The following CDC25B variants were observed in gnomAD, a reference collection of about 807,000 sequenced individuals.
CDC25B encodes M-phase inducer phosphatase 2.
CDC25B carries 33 observed loss-of-function variants against 69.8 expected under a neutral mutation model. The ratio of observed to expected loss-of-function variants is 0.47; its 90% CI spans 0.36 to 0.63. CDC25B has a LOEUF of 0.63. Ranked by LOEUF, CDC25B falls within the 30% of genes least tolerant of loss-of-function variation. CDC25B has a pLI of 0.00. For synonymous variants in CDC25B, 341 were observed against 314.6 expected (o/e 1.08, Z -0.89); for missense variants, 727 against 809.1 (o/e 0.90, Z 1.23).
rs371947700 is a variant in CDC25B at position 3,804,917 on chromosome 20, G to A, written c.1699G>A (p.Glu567Lys). 15 of 1,613,744 alleles carry A rather than the reference G, an allele frequency of 9.3e-6. No homozygotes were observed. The highest frequency in any genetic ancestry group is 2.7e-5 in the African/African-American group (2 of 74,940). ...FRLKTRSWAG[E>K]RSRRELCSRL... The stretch of plus-strand genomic sequence containing the variant: ...CCTCAAGACTCGCAGCTGGGCTGGG[G>A]AGCGGAGCCGGCGGGAGCTCTGTAG... The change falls in exon 16 of 16, where the codon GAG (glutamate) becomes AAG (lysine). Residue 567 changes from glutamate to lysine, a missense_variant. Physicochemically the swap from Glu to Lys is moderately conservative, Grantham distance 56. Coordinates refer to ENST00000245960, the MANE Select transcript of CDC25B (RefSeq NM_021873.4).
At position 3,805,188 on chromosome 20, in the gene CDC25B, G is replaced by C; in HGVS notation, c.*227G>C. On this transcript the variant is annotated 3_prime_UTR_variant, in exon 16 of 16. Coordinates refer to ENST00000245960, the MANE Select transcript of CDC25B (RefSeq NM_021873.4). Reference sequence around the variant, plus strand: ...TGGAAGAGCCCAGTCTGTTGAGTTAGTTAAGTTGGGTTAATACCAGCTTAA... The same window carrying C: ...TGGAAGAGCCCAGTCTGTTGAGTTACTTAAGTTGGGTTAATACCAGCTTAA... 1.8e-6 allele frequency: 1 copy of C among 570,564 alleles called. No homozygotes were observed. The highest frequency in any genetic ancestry group is 3.1e-6 in the Non-Finnish European group (1 of 319,868). 35.3% of individuals were successfully genotyped at this position (570,564 alleles called of 1,614,324 possible).
Position 3,804,921 on chromosome 20 carries a change from G to A in CDC25B, c.1703G>A (p.Arg568Gln), listed in dbSNP as rs770749593. The A allele has an allele frequency of 3.2e-5, 51 of 1,613,536 alleles. No homozygotes were observed. Among genetic ancestry groups the A allele is most frequent in the Admixed American group, 1.8e-4 (11 of 60,008 alleles). Reference sequence around the variant, plus strand: ...AAGACTCGCAGCTGGGCTGGGGAGCGGAGCCGGCGGGAGCTCTGTAGCCGG... The same window carrying A: ...AAGACTCGCAGCTGGGCTGGGGAGCAGAGCCGGCGGGAGCTCTGTAGCCGG... ...RLKTRSWAGE[R>Q]SRRELCSRLQ... is the part of the protein sequence containing the mutation. Residue 568 changes from arginine (R) to glutamine (Q), a missense_variant, in exon 16 of 16, where the codon CGG (arginine) becomes CAG (glutamine). Physicochemically the swap from Arg to Gln is conservative, Grantham distance 43. Transcript: ENST00000245960.
chr20:3,803,481 C>A lies in CDC25B; in HGVS notation c.1434C>A (p.Asp478Glu). The A allele has an allele frequency of 6.2e-7, 1 of 1,614,118 alleles. No homozygotes were observed. The highest frequency in any genetic ancestry group is 8.5e-7 in the Non-Finnish European group (1 of 1,180,002). The change falls in exon 14 of 16, where the codon GAC becomes GAA. Residue 478 changes from aspartate (D) to glutamate (E), a missense_variant. Around this residue, in one of 2 missense-constraint regions of CDC25B, gnomAD observed 359 missense variants for 463.4 expected, o/e 0.77. Coordinates refer to ENST00000245960, the MANE Select transcript of CDC25B (RefSeq NM_021873.4). The surrounding 1 kb of genome is among the most constrained non-coding windows in gnomAD (Gnocchi z 4.9). Reference sequence around the variant, plus strand: ...GCCCCATCGCGCCCTGTAGCCTGGACAAGAGAGTCATCCTCATTTTCCACT... The same window carrying A: ...GCCCCATCGCGCCCTGTAGCCTGGAAAAGAGAGTCATCCTCATTTTCCACT... The part of the protein sequence containing the change: ...LKSPIAPCSL[D>E]KRVILIFHCE...
rs141031701 is a variant in CDC25B at position 3,797,674 on chromosome 20, C to T, written c.253C>T (p.Leu85=). Residue 85 remains leucine (L), a synonymous_variant, in exon 2 of 16, where the codon CTG becomes TTG. Transcript: ENST00000245960. ...CCTGCTCTTCCGCAGCCGCAGCCGCCTGACGCACCTATCCCTGTCTCGACG... is the reference window on the plus strand; with the variant it reads ...CCTGCTCTTCCGCAGCCGCAGCCGCTTGACGCACCTATCCCTGTCTCGACG... The part of the protein sequence containing the change: ...GTLLFRSRSR[L]THLSLSRRAS... The T allele has an allele frequency of 8.7e-6, 14 of 1,614,104 alleles. No homozygotes were observed. The African/African-American group carries it at 1.1e-4, about 12-fold the overall frequency.
Position 3,805,749 on chromosome 20 carries a change from C to T in CDC25B, c.*788C>T. On this transcript the variant is annotated 3_prime_UTR_variant, in exon 16 of 16. Coordinates refer to ENST00000245960, the MANE Select transcript of CDC25B (RefSeq NM_021873.4). ...GAAGCCCAGCCCCTACTGCTGTGAA[C>T]CCTGGGGCCTGACTGCTCAGAACTT... The T allele has an allele frequency of 2.5e-6, 1 of 404,168 alleles. No individual in the cohort carries two copies. The highest frequency in any genetic ancestry group is 4.4e-6 in the Non-Finnish European group (1 of 227,852). 25.0% of individuals were successfully genotyped at this position (404,168 alleles called of 1,614,324 possible).
Position 3,805,306 on chromosome 20 carries a change from T to C in CDC25B, c.*345T>C, listed in dbSNP as rs953552942. On this transcript the variant is annotated 3_prime_UTR_variant, in exon 16 of 16. Coordinates refer to ENST00000245960, the MANE Select transcript of CDC25B (RefSeq NM_021873.4). ...GTCCTGAAACGCTCCTTTGTGTGTG[T>C]GTCAGCTGAGGCTGGGGGAGAGCCG... 9.0e-6 allele frequency: 3 copies of C among 334,810 alleles called. No homozygotes were observed. Among genetic ancestry groups the C allele is most frequent in the African/African-American group, 6.2e-5 (3 of 48,318 alleles). The allele number at this position is 334,810 out of a possible 1,614,324, so 20.7% of individuals were successfully genotyped here.
chr20:3,792,770 A>T (rs1327999920), upstream of CDC25B, among the ~76,000 whole-genome samples: 1 of 152,084 alleles, frequency 6.6e-6, no homozygotes, highest in Non-Finnish European at 1.5e-5. Context: ...CCAGCGAGTC[A>T]CTTGGATTAT....
At chr20:3,794,842 A>G (rs927709449), upstream of CDC25B, among the ~76,000 whole-genome samples, 2 of 151,438 alleles carry the variant, frequency 1.3e-5, no homozygotes, top group Non-Finnish European at 2.9e-5. Context: ...ACCCCCATCC[A>G]ATGCACCTTG....
Position 3,803,223 on chromosome 20 carries a change from G to A in CDC25B, c.1356+17G>A, listed in dbSNP as rs2089350404. ...CACATCAAGGTAAGATGGGGCAATG[G>A]GGAGAGGCCCTGAAGATCCCACCTG... On this transcript the variant is annotated intron_variant, in intron 13 of 15. Transcript: ENST00000245960. The surrounding 1 kb of genome is among the most constrained non-coding windows in gnomAD (Gnocchi z 4.9). The A allele has an allele frequency of 6.3e-7, 1 of 1,597,480 alleles. No homozygotes were observed. Among genetic ancestry groups the A allele is most frequent in the African/African-American group, 1.3e-5 (1 of 74,608 alleles).
intron 2 of CDC25B, among the ~76,000 whole-genome samples, chr20:3,797,955 G>C (rs910450178): frequency 3.9e-5 from 6 of 152,328 alleles, no homozygotes; most frequent in Admixed American, 6.5e-5. Flanking sequence ...CTGGCTGAGT[G>C]GATGAGAGGG....
chr20:3,787,188 G>A (rs1181847445), intron 1 of CDC25B: 3 of 639,040 alleles, frequency 4.7e-6, no homozygotes, highest in Non-Finnish European at 8.3e-6. Context: ...GATGCATGTC[G>A]TTTTCTTTTT....
At chr20:3,790,564 G>C (rs1032966478) in intron 1 of CDC25B, among the ~76,000 whole-genome samples, 3 of 150,902 alleles carry the variant, frequency 2.0e-5, no homozygotes, top group Non-Finnish European at 4.4e-5. Flanking sequence ...GCTCACGCCT[G>C]TAATCCCAGC....
chr20:3,803,238 G>A lies in CDC25B; in HGVS notation c.1356+32G>A, dbSNP rs200478894. 1.5e-5 allele frequency: 23 copies of A among 1,585,986 alleles called. No homozygotes were observed. The African/African-American group carries it at 2.8e-4, about 19-fold the overall frequency. On this transcript the variant is annotated intron_variant, in intron 13 of 15. Coordinates refer to ENST00000245960, the MANE Select transcript of CDC25B (RefSeq NM_021873.4). The surrounding 1 kb of genome is among the most constrained non-coding windows in gnomAD (Gnocchi z 4.9). ...TGGGGCAATGGGGAGAGGCCCTGAA[G>A]ATCCCACCTGGTTTAGGTCCTTGCT...
chr20:3,803,098 C>T lies in CDC25B; in HGVS notation c.1258-10C>T, dbSNP rs11570011. The T allele has an allele frequency of 6.2e-7, 1 of 1,611,658 alleles. No homozygotes were observed. ...GACCTGCCGGAACCAACCCCCATGA[C>T]CTCCTACAGATGGTGGCCCTATTGA... On this transcript the variant is annotated splice_polypyrimidine_tract_variant and intron_variant, in intron 12 of 15. Coordinates refer to ENST00000245960, the MANE Select transcript of CDC25B (RefSeq NM_021873.4). The surrounding 1 kb of genome is among the most constrained non-coding windows in gnomAD (Gnocchi z 4.9).
rs2089384346 is a variant in CDC25B at position 3,803,987 on chromosome 20, C to T, written c.1490+450C>T. Reference sequence around the variant, plus strand: ...CTGGCCATCTGTCCTCCCACCCCTGCCTCCTCCTGGGTTGCCACTGGTCCA... The same window carrying T: ...CTGGCCATCTGTCCTCCCACCCCTGTCTCCTCCTGGGTTGCCACTGGTCCA... On this transcript the variant is annotated intron_variant, in intron 14 of 15. Transcript: ENST00000245960. This position sits in a 1 kb window ranked among gnomAD's most constrained non-coding sequence, Gnocchi z 4.9. Among the ~76,000 whole-genome samples, 1 of 152,192 alleles carries T rather than the reference C, an allele frequency of 6.6e-6. No individual in the cohort carries two copies. Among genetic ancestry groups the T allele is most frequent in the South Asian group, 2.1e-4 (1 of 4,832 alleles).
chr20:3,804,859 C>G lies in CDC25B; in HGVS notation c.1641C>G (p.His547Gln). 1.2e-6 allele frequency: 2 copies of G among 1,614,188 alleles called. No homozygotes were observed. Among genetic ancestry groups the G allele is most frequent in the South Asian group, 1.1e-5 (1 of 91,084 alleles). The stretch of plus-strand genomic sequence containing the variant: ...CCCAGGACTACCGGCCCATGAACCA[C>G]GAGGCCTTCAAGGATGAGCTAAAGA... ...CEPQDYRPMNHEAFKDELKTF... is the reference protein window; with the variant it reads ...CEPQDYRPMNQEAFKDELKTF... Residue 547 changes from histidine (H) to glutamine (Q), a missense_variant, in exon 16 of 16, where the codon CAC (histidine) becomes CAG (glutamine). Transcript: ENST00000245960.
upstream of CDC25B, among the ~76,000 whole-genome samples, chr20:3,794,934 C>T (rs2088987458): frequency 6.6e-6 from 1 of 152,208 alleles, no homozygotes; most frequent in African/African-American, 2.4e-5. Flanking sequence ...ACCACCCGCC[C>T]AGCCAGAGGC....
At position 3,788,082 on chromosome 20, in the gene CDC25B, A is replaced by T. The variant is rs1162203907; in HGVS notation, c.8+943A>T. 2.0e-5 allele frequency among the ~76,000 whole-genome samples: 3 copies of T among 151,950 alleles called. No homozygotes were observed. In the East Asian group the frequency reaches 5.8e-4, roughly 29 times the overall value. ...AGCCTGGGAGGCAGAGGTTGCAGGG[A>T]GCCAAGATCATGCCACTGCACTCCA... is the stretch of plus-strand genomic sequence containing the variant. On this transcript the variant is annotated intron_variant, in intron 1 of 15. Transcript: ENST00000344256.
intron 5 of CDC25B, 113 bp from the exon 6 acceptor site, chr20:3,800,630 G>T: frequency 6.3e-7 from 1 of 1,587,310 alleles, no homozygotes; most frequent in African/African-American, 1.3e-5. Context: ...GGTTTCAGAG[G>T]TAGGTAGGTA....
Sources: allele counts gnomAD v4.1 joint callset (sites outside exome capture counted in the v4.1 genomes callset), GRCh38; gene constraint gnomAD v4.1.1; regional missense constraint gnomAD v4.1.1; non-coding constraint Gnocchi (gnomAD v3.1); transcripts MANE v1.5; gene names NCBI Gene and HGNC (gene_info 2026-07-23, HGNC 2026-07-21).